Variants in NPIPB11 observed in about 807,000 individuals in gnomAD.
NPIPB11 encodes nuclear pore complex interacting protein family member B11, also known as nuclear pore complex-interacting protein family member B11.
A neutral mutation model predicts 32.8 loss-of-function variants in NPIPB11; 17 were observed. The observed-to-expected ratio is 0.52, with a 90% confidence interval of 0.35 to 0.78. NPIPB11 has a LOEUF of 0.78. Ranked by LOEUF, NPIPB11 falls within the 30% of genes least tolerant of loss-of-function variation. The pLI is 0.01. For missense variants in NPIPB11, 537 were observed against 1,000.4 expected (o/e 0.54, Z 6.25); for synonymous variants, 209 against 398.4 (o/e 0.52, Z 5.66).
intron 2 of NPIPB11, among the ~76,000 whole-genome samples, chr16:29,402,722 CTCTGTGTGTGTG>C (rs1443708148): frequency 3.3e-4 from 37 of 113,812 alleles, no homozygotes; most frequent in African/African-American, 1.2e-3. Context: ...CTCTCTCTCT[CTCTGTGTGTGTG>C]TGTGTGTGTG....
intron 2 of NPIPB11, among the ~76,000 whole-genome samples, chr16:29,397,357 C>T (rs1018488935): frequency 5.3e-5 from 8 of 151,636 alleles, no homozygotes; most frequent in African/African-American, 1.7e-4. Context: ...CAGGTACGCA[C>T]CACCAGGCCC....
In NPIPB11 at chr16:29,393,813, G is replaced by A. The variant is rs1963780038; in HGVS notation, c.249+135C>T. 15 of 1,226,838 alleles carry A rather than the reference G, an allele frequency of 1.2e-5. 1 individual carries two copies. The highest frequency in any genetic ancestry group is 2.7e-4 in the Middle Eastern group (1 of 3,772). 76.0% of individuals were successfully genotyped at this position (1,226,838 alleles called of 1,614,324 possible). A position where few individuals can be genotyped will look rare whatever the true frequency, so the allele number is the denominator to read the frequency against. On this transcript the variant is annotated intron_variant, in intron 3 of 7. Coordinates refer to ENST00000524087, the Ensembl canonical transcript of NPIPB11. ...TGGCAGATATTTTCATAATTCTTAT[G>A]CTAATAAATCATTTCCCTGATTTTT...
intron 2 of NPIPB11, among the ~76,000 whole-genome samples, chr16:29,395,894 C>T (rs985977765): frequency 4.7e-4 from 71 of 151,454 alleles, no homozygotes; most frequent in Middle Eastern, 3.4e-3. Flanking sequence ...AGAAGAATCA[C>T]TTGAACCCGG....
At chr16:29,400,154 T>C (rs1963955595) in intron 2 of NPIPB11, among the ~76,000 whole-genome samples, 1 of 150,392 alleles carries the variant, frequency 6.6e-6, no homozygotes, top group Admixed American at 6.6e-5. Context: ...GGGGTTGAAG[T>C]CAGATTAGAC....
At chr16:29,402,991 G>A (rs1292354488) in intron 2 of NPIPB11, among the ~76,000 whole-genome samples, 1 of 149,946 alleles carries the variant, frequency 6.7e-6, no homozygotes, top group East Asian at 1.9e-4. Context: ...ACATATATAT[G>A]TACTATAGAA....
rs759577125 is a variant in NPIPB11, at chr16:29,390,397, G to C, written c.250-49C>G. Reference sequence around the variant, plus strand: ...GACGGCTGGGCACGGTGGCTCATGCGTATAATCCCAGTACTTCGGGAAGCT... The same window carrying C: ...GACGGCTGGGCACGGTGGCTCATGCCTATAATCCCAGTACTTCGGGAAGCT... On this transcript the variant is annotated intron_variant, in intron 3 of 7. Coordinates refer to ENST00000524087, the Ensembl canonical transcript of NPIPB11. 3.8e-6 allele frequency: 6 copies of C among 1,589,310 alleles called. No homozygotes were observed. The East Asian group carries it at 1.3e-4, about 35-fold the overall frequency.
chr16:29,405,347 C>G (rs574550685), upstream of NPIPB11, among the ~76,000 whole-genome samples: 349 of 152,072 alleles, frequency 2.3e-3, 1 homozygote, highest in African/African-American at 7.9e-3. Context: ...TTATTAAAAG[C>G]CTACTACGTG....
intron 2 of NPIPB11, among the ~76,000 whole-genome samples, chr16:29,403,159 C>G (rs1409393864): frequency 1.4e-5 from 2 of 146,932 alleles, no homozygotes; most frequent in African/African-American, 5.1e-5. Context: ...CCCACTAAAA[C>G]CTCCACCTCC....
downstream of NPIPB11, among the ~76,000 whole-genome samples, chr16:29,381,172 C>CA: frequency 8.4e-4 from 1 of 1,188 alleles, no homozygotes; most frequent in Non-Finnish European, 1.8e-3. Flanking sequence ...AATCCAGTCT[C>CA]AAAAAAAATA....
chr16:29,405,073 C>T (rs1167466324), upstream of NPIPB11, among the ~76,000 whole-genome samples: 1 of 148,192 alleles, frequency 6.7e-6, no homozygotes, highest in Non-Finnish European at 1.5e-5. Flanking sequence ...ACTATGTCCT[C>T]CCAGAGCTTT....
At chr16:29,389,809 A>C in intron 5 of NPIPB11, 132 bp downstream of exon 5, 1 of 1,448,532 alleles carries the variant, frequency 6.9e-7, no homozygotes, top group Non-Finnish European at 9.3e-7. Flanking sequence ...TGAAGCAGAA[A>C]GGACAAACTC....
Position 29,383,152 on chromosome 16 carries a change from G to A in NPIPB11, c.1780C>T (p.Gln594Ter), listed in dbSNP as rs1274216332. ...AGGTCTCTTGAGATTATCATCCGCTGAGGGTGGAAGCGGAACTGCAGATGC... is the reference window on the plus strand; with the variant it reads ...AGGTCTCTTGAGATTATCATCCGCTAAGGGTGGAAGCGGAACTGCAGATGC... The change falls in exon 8 of 8, where the codon CAG (glutamine) becomes TAG (stop). Residue 594 changes from glutamine to a stop codon, truncating the protein, a stop_gained. Coordinates refer to ENST00000524087, the Ensembl canonical transcript of NPIPB11. LOFTEE classifies it low-confidence loss of function (END_TRUNC). 8.8e-6 allele frequency: 14 copies of A among 1,595,766 alleles called. No individual in the cohort carries two copies. Among genetic ancestry groups the A allele is most frequent in the Non-Finnish European group, 1.2e-5 (14 of 1,172,624 alleles).
At chr16:29,399,759 C>A (rs1963944787) in intron 2 of NPIPB11, among the ~76,000 whole-genome samples, 1 of 150,856 alleles carries the variant, frequency 6.6e-6, no homozygotes, top group Admixed American at 6.6e-5. Context: ...GAATTCAATT[C>A]TATTTATATG....
At chr16:29,402,812 A>C (rs1478002076) in intron 2 of NPIPB11, among the ~76,000 whole-genome samples, 1 of 136,694 alleles carries the variant, frequency 7.3e-6, no homozygotes, top group Non-Finnish European at 1.5e-5. Context: ...TGAGATTATC[A>C]TTTTAAAAGA....
At chr16:29,405,404 C>A (rs1964092210), upstream of NPIPB11, among the ~76,000 whole-genome samples, 1 of 152,150 alleles carries the variant, frequency 6.6e-6, no homozygotes, top group African/African-American at 2.4e-5. Context: ...AACAAACTGA[C>A]AGGATTCCTC....
At chr16:29,405,459 A>G (rs1225033256), upstream of NPIPB11, among the ~76,000 whole-genome samples, 7 of 152,172 alleles carry the variant, frequency 4.6e-5, no homozygotes, top group African/African-American at 1.7e-4. Context: ...AAGGGTTAAC[A>G]TTAATTAAGC....
At chr16:29,389,454 A>G (rs959363653) in intron 5 of NPIPB11, among the ~76,000 whole-genome samples, 10 of 146,146 alleles carry the variant, frequency 6.8e-5, no homozygotes, top group Admixed American at 2.8e-4. Context: ...CAGGTGGATT[A>G]CCTGAGGTCA....
chr16:29,389,549 C>A (rs138810339), intron 5 of NPIPB11, among the ~76,000 whole-genome samples: 1 of 149,310 alleles, frequency 6.7e-6, no homozygotes, highest in Non-Finnish European at 1.5e-5. Flanking sequence ...TGGTGGGCAC[C>A]TGTAATCCCA....
intron 5 of NPIPB11, among the ~76,000 whole-genome samples, chr16:29,389,697 A>AG (rs1387109463): frequency 1.5e-5 from 2 of 136,780 alleles, no homozygotes; most frequent in South Asian, 2.3e-4. Flanking sequence ...AAAAAAAAAA[A>AG]AGAGAAAGGA....
Sources: gnomAD v4.1 joint callset for allele counts (sites outside exome capture counted in the v4.1 genomes callset) on GRCh38, gnomAD v4.1.1 for gene constraint, MANE v1.5 for transcripts, NCBI Gene and HGNC (gene_info 2026-07-23, HGNC 2026-07-21) for gene names.